Variants in HLA-DRA observed in about 807,000 individuals in gnomAD.
The protein encoded by HLA-DRA is HLA class II histocompatibility antigen, DR alpha chain.
HLA-DRA carries 8 observed loss-of-function variants against 22.1 expected under a neutral mutation model. That is an observed-to-expected ratio of 0.36 (90% CI 0.21 to 0.65). The LOEUF is 0.65. HLA-DRA is among the 30% of genes least tolerant of loss of function. The pLI is 0.63. For missense variants in HLA-DRA, 248 were observed against 321.3 expected, an observed-to-expected ratio of 0.77 and a Z score of 1.74; for synonymous variants, 101 against 117.1, an observed-to-expected ratio of 0.86 and a Z score of 0.89.
At chr6:32,442,390 CA>C in intron 1 of HLA-DRA, 57 bp from the exon 2 acceptor site, 1 of 1,599,638 alleles carries the variant, frequency 6.3e-7, no homozygotes, top group Non-Finnish European at 8.5e-7. Context: ...GTAGGTTATT[CA>C]TTTCCCTCTC....
Position 32,443,195 on chromosome 6 carries a change from G to A in HLA-DRA, c.339G>A (p.Glu113=). Reference sequence around the variant, plus strand: ...TCATGTGTCCCCCAGTACCTCCAGAGGTAACTGTGCTCACAAACAGCCCTG... The same window carrying A: ...TCATGTGTCCCCCAGTACCTCCAGAAGTAACTGTGCTCACAAACAGCCCTG... The part of the protein sequence containing the change: ...NYTPITNVPP[E]VTVLTNSPVE... Residue 113 remains glutamate, a synonymous_variant, in exon 3 of 5, where the codon GAG becomes GAA. Transcript: ENST00000395388. 6.2e-7 allele frequency: 1 copy of A among 1,612,428 alleles called. No homozygotes were observed. The highest frequency in any genetic ancestry group is 8.5e-7 in the Non-Finnish European group (1 of 1,179,450).
intron 2 of HLA-DRA, 41 bp downstream of exon 2, chr6:32,442,734 T>C (rs749255775): frequency 4.4e-6 from 7 of 1,606,938 alleles, no homozygotes; most frequent in Non-Finnish European, 6.0e-6. Context: ...TGGGAATCCA[T>C]AGTTTGAAAG....
At position 32,443,771 on chromosome 6, in the gene HLA-DRA, G is replaced by A. The variant is rs1762766086; in HGVS notation, c.626G>A (p.Ser209Asn). 2 of 1,598,438 alleles carry A rather than the reference G, an allele frequency of 1.3e-6. No homozygotes were observed. The highest frequency in any genetic ancestry group is 1.8e-5 in the Admixed American group (1 of 57,028). The change falls in exon 4 of 5, where the codon AGC becomes AAC. Residue 209 changes from serine to asparagine, a missense_variant. Physicochemically the swap from Ser to Asn is conservative, Grantham distance 46. Transcript: ENST00000395388. Reference protein sequence around the residue: ...LLKHWEFDAPSPLPETTENVV... With the variant: ...LLKHWEFDAPNPLPETTENVV... ...TTCCCCCCAGAGTTTGATGCTCCAAGCCCTCTCCCAGAGACTACAGAGAAC... is the reference window on the plus strand; with the variant it reads ...TTCCCCCCAGAGTTTGATGCTCCAAACCCTCTCCCAGAGACTACAGAGAAC...
Position 32,443,369 on chromosome 6 carries a change from C to T in HLA-DRA, c.513C>T (p.Arg171=). 1.9e-6 allele frequency: 3 copies of T among 1,612,940 alleles called. No homozygotes were observed. Among genetic ancestry groups the T allele is most frequent in the Non-Finnish European group, 2.5e-6 (3 of 1,179,920 alleles). The change falls in exon 3 of 5, where the codon CGC becomes CGT. Residue 171 remains arginine, a synonymous_variant. Transcript: ENST00000395388. ...VFLPREDHLF[R]KFHYLPFLPS... The stretch of plus-strand genomic sequence containing the variant: ...TGCCCAGGGAAGACCACCTTTTCCG[C>T]AAGTTCCACTATCTCCCCTTCCTGC...
At chr6:32,443,164 T>C (rs9268659) in intron 2 of HLA-DRA, 21 bp from the exon 3 acceptor site, 930,487 of 1,596,760 alleles carry the variant, frequency 0.58, 275,453 homozygotes, top group Middle Eastern at 0.73. Flanking sequence ...ATTTCTGTCA[T>C]GTCTGTCATG....
Position 32,443,435 on chromosome 6 carries a change from G to A in HLA-DRA, c.579G>A (p.Trp193Ter). Residue 193 changes from tryptophan to a stop codon, truncating the protein, a stop_gained, in exon 3 of 5, where the codon TGG becomes TGA. Transcript: ENST00000395388. LOFTEE classifies it high-confidence loss of function. ...TTTACGACTGCAGGGTGGAGCACTGGGGCTTGGATGAGCCTCTTCTCAAGC... is the reference window on the plus strand; with the variant it reads ...TTTACGACTGCAGGGTGGAGCACTGAGGCTTGGATGAGCCTCTTCTCAAGC... Reference protein sequence around the residue: ...EDVYDCRVEHWGLDEPLLKHW... With the variant: ...EDVYDCRVEH The A allele has an allele frequency of 6.2e-7, 1 of 1,612,960 alleles. No homozygotes were observed. The highest frequency in any genetic ancestry group is 8.5e-7 in the Non-Finnish European group (1 of 1,179,966).
intron 1 of HLA-DRA, 108 bp downstream of exon 1, chr6:32,440,140 G>A: frequency 1.1e-6 from 1 of 935,456 alleles, no homozygotes; most frequent in Non-Finnish European, 1.7e-6. Context: ...AGTGTGACAG[G>A]TATTATGTGG....
In HLA-DRA at chr6:32,443,753, C is replaced by T; in HGVS notation, c.611-3C>T. On this transcript the variant is annotated splice_polypyrimidine_tract_variant and splice_region_variant and intron_variant, in intron 3 of 4. Transcript: ENST00000395388. ...CCATGTACTCTGCCTTATTTCCCCC[C>T]AGAGTTTGATGCTCCAAGCCCTCTC... is the stretch of plus-strand genomic sequence containing the variant. 1 of 1,579,014 alleles carries T rather than the reference C, an allele frequency of 6.3e-7. No homozygotes were observed. The highest frequency in any genetic ancestry group is 8.6e-7 in the Non-Finnish European group (1 of 1,165,566).
chr6:32,442,300 T>C (rs374201346), intron 1 of HLA-DRA, 148 bp from the exon 2 acceptor site: 1 of 933,370 alleles, frequency 1.1e-6, no homozygotes. Flanking sequence ...AGACCTTGTC[T>C]TGTCACTCAT....
intron 1 of HLA-DRA, among the ~76,000 whole-genome samples, chr6:32,440,863 G>T (rs111930523): frequency 6.6e-6 from 1 of 152,130 alleles, no homozygotes; most frequent in Non-Finnish European, 1.5e-5. Context: ...AATAAGCAAA[G>T]TAATAACCCA....
chr6:32,443,831 T>C lies in HLA-DRA; in HGVS notation c.686T>C (p.Val229Ala), dbSNP rs755315159. The C allele has an allele frequency of 6.2e-7, 1 of 1,612,288 alleles. No homozygotes were observed. The highest frequency in any genetic ancestry group is 8.5e-7 in the Non-Finnish European group (1 of 1,179,682). Reference sequence around the variant, plus strand: ...GCCCTGGGCCTGACTGTGGGTCTGGTGGGCATCATTATTGGGACCATCTTC... The same window carrying C: ...GCCCTGGGCCTGACTGTGGGTCTGGCGGGCATCATTATTGGGACCATCTTC... ...VCALGLTVGL[V>A]GIIIGTIFII... Residue 229 changes from valine to alanine, a missense_variant, in exon 4 of 5, where the codon GTG (valine) becomes GCG (alanine). By Grantham distance (64) the Val-to-Ala change is moderately conservative (BLOSUM62 0). Transcript: ENST00000395388.
Position 32,440,009 on chromosome 6 carries a change from C to G in HLA-DRA, c.59C>G (p.Ala20Gly). ...TTCATCATAGCTGTGCTGATGAGCG[C>G]TCAGGAATCATGGGCTATCAAAGGT... ...GFFIIAVLMS[A>G]QESWAIKEEH... The change falls in exon 1 of 5, where the codon GCT becomes GGT. Residue 20 changes from alanine (A) to glycine (G), a missense_variant. Physicochemically the swap from Ala to Gly is moderately conservative, Grantham distance 60. Coordinates refer to ENST00000395388, the MANE Select transcript of HLA-DRA (RefSeq NM_019111.5). 2 of 1,613,912 alleles carry G rather than the reference C, an allele frequency of 1.2e-6. No homozygotes were observed. Among genetic ancestry groups the G allele is most frequent in the South Asian group, 2.2e-5 (2 of 91,076 alleles).
intron 1 of HLA-DRA, among the ~76,000 whole-genome samples, chr6:32,441,851 C>A (rs1762641048): frequency 6.6e-6 from 1 of 152,144 alleles, no homozygotes; most frequent in Non-Finnish European, 1.5e-5. Context: ...TAAAAACAAA[C>A]CCCTGACAGG....
At chr6:32,443,030 A>G (rs1762714998) in intron 2 of HLA-DRA, among the ~76,000 whole-genome samples, 155 bp from the exon 3 acceptor site, 1 of 152,128 alleles carries the variant, frequency 6.6e-6, no homozygotes, top group Non-Finnish European at 1.5e-5. Flanking sequence ...TTGTTATCTG[A>G]GGATGTGACA....
rs536514150 is a variant in HLA-DRA, at chr6:32,442,562, C to T, written c.197C>T (p.Thr66Met). The T allele has an allele frequency of 2.5e-6, 4 of 1,613,022 alleles. No homozygotes were observed. Among genetic ancestry groups the T allele is most frequent in the African/African-American group, 1.3e-5 (1 of 75,020 alleles). ...IFHVDMAKKETVWRLEEFGRF... is the reference protein window; with the variant it reads ...IFHVDMAKKEMVWRLEEFGRF... ...CATGTGGATATGGCAAAGAAGGAGACGGTCTGGCGGCTTGAAGAATTTGGA... is the reference window on the plus strand; with the variant it reads ...CATGTGGATATGGCAAAGAAGGAGATGGTCTGGCGGCTTGAAGAATTTGGA... The change falls in exon 2 of 5, where the codon ACG (threonine) becomes ATG (methionine). Residue 66 changes from threonine (T) to methionine (M), a missense_variant. By Grantham distance (81) the Thr-to-Met change is moderately conservative. Transcript: ENST00000395388.
In HLA-DRA at chr6:32,443,812, G is replaced by A; in HGVS notation, c.667G>A (p.Gly223Ser). The A allele has an allele frequency of 6.2e-7, 1 of 1,612,146 alleles. No homozygotes were observed. Among genetic ancestry groups the A allele is most frequent in the South Asian group, 1.1e-5 (1 of 90,900 alleles). Residue 223 changes from glycine to serine, a missense_variant, in exon 4 of 5, where the codon GGC (glycine) becomes AGC (serine). By Grantham distance (56) the Gly-to-Ser change is moderately conservative (BLOSUM62 0). Coordinates refer to ENST00000395388, the MANE Select transcript of HLA-DRA (RefSeq NM_019111.5). The part of the protein sequence containing the change: ...ETTENVVCAL[G>S]LTVGLVGIII... ...TACAGAGAACGTGGTGTGTGCCCTG[G>A]GCCTGACTGTGGGTCTGGTGGGCAT...
rs755010929 is a variant in HLA-DRA, at chr6:32,443,214, A to T, written c.358A>T (p.Ser120Cys). Residue 120 changes from serine to cysteine, a missense_variant, in exon 3 of 5, where the codon AGC (serine) becomes TGC (cysteine). Physicochemically the swap from Ser to Cys is moderately radical, Grantham distance 112. Coordinates refer to ENST00000395388, the MANE Select transcript of HLA-DRA (RefSeq NM_019111.5). ...TCCAGAGGTAACTGTGCTCACAAACAGCCCTGTGGAACTGAGAGAGCCCAA... is the reference window on the plus strand; with the variant it reads ...TCCAGAGGTAACTGTGCTCACAAACTGCCCTGTGGAACTGAGAGAGCCCAA... ...VPPEVTVLTN[S>C]PVELREPNVL... 1 of 1,612,606 alleles carries T rather than the reference A, an allele frequency of 6.2e-7. No individual in the cohort carries two copies. The highest frequency in any genetic ancestry group is 1.3e-5 in the African/African-American group (1 of 74,914).
intron 1 of HLA-DRA, 52 bp from the exon 2 acceptor site, chr6:32,442,396 C>T (rs1762674189): frequency 1.2e-6 from 2 of 1,606,340 alleles, no homozygotes; most frequent in East Asian, 2.2e-5. Context: ...TATTCATTTC[C>T]CTCTCTTGAT....
In HLA-DRA at chr6:32,440,005, A is replaced by G. The variant is rs1259929692; in HGVS notation, c.55A>G (p.Ser19Gly). 1 of 1,614,082 alleles carries G rather than the reference A, an allele frequency of 6.2e-7. No individual in the cohort carries two copies. ...LGFFIIAVLM[S>G]AQESWAIKEE... ...ATTTTTCATCATAGCTGTGCTGATG[A>G]GCGCTCAGGAATCATGGGCTATCAA... The change falls in exon 1 of 5, where the codon AGC (serine) becomes GGC (glycine). Residue 19 changes from serine (S) to glycine (G), a missense_variant. Physicochemically the swap from Ser to Gly is moderately conservative, Grantham distance 56. Transcript: ENST00000395388.
Sources: gnomAD v4.1 joint callset for allele counts (sites outside exome capture counted in the v4.1 genomes callset) on GRCh38, gnomAD v4.1.1 for gene constraint, MANE v1.5 for transcripts, NCBI Gene and HGNC (gene_info 2026-07-23, HGNC 2026-07-21) for gene names.